The following CADM1 variants were observed in gnomAD, a reference collection of about 807,000 sequenced individuals.
CADM1 encodes TSLC-1.
CADM1 carries 15 observed loss-of-function variants against 53.1 expected under a neutral mutation model. The observed-to-expected ratio is 0.28, with a 90% confidence interval of 0.19 to 0.44. The LOEUF is 0.44. Ranked by LOEUF, CADM1 falls within the 20% of genes least tolerant of loss-of-function variation. CADM1 has a pLI of 1.00. For missense variants in CADM1, 434 were observed against 611.3 expected, an observed-to-expected ratio of 0.71 and a Z score of 3.06; for synonymous variants, 281 against 243.0, an observed-to-expected ratio of 1.16 and a Z score of -1.45.
chr11:115,322,449 G>A (rs1944848368), intron 1 of CADM1, among the ~76,000 whole-genome samples: 1 of 152,162 alleles, frequency 6.6e-6, no homozygotes, highest in African/African-American at 2.4e-5. Flanking sequence ...TGTTTATAGT[G>A]TACAGTTCAA....
intron 1 of CADM1, among the ~76,000 whole-genome samples, chr11:115,437,734 C>G (rs1948215573): frequency 6.6e-6 from 1 of 152,158 alleles, no homozygotes; most frequent in Admixed American, 6.5e-5. Flanking sequence ...TGCTGGTTTG[C>G]TTTTCTTCGT....
intron 1 of CADM1, among the ~76,000 whole-genome samples, chr11:115,296,990 A>G (rs1247901424): frequency 1.3e-5 from 2 of 152,358 alleles, no homozygotes; most frequent in African/African-American, 4.8e-5. Flanking sequence ...AAAACAAATC[A>G]GTGTTTAGCA....
intron 1 of CADM1, among the ~76,000 whole-genome samples, chr11:115,383,288 A>G (rs1255189305): frequency 6.6e-6 from 1 of 152,214 alleles, no homozygotes; most frequent in Non-Finnish European, 1.5e-5. Flanking sequence ...TCTATTTCAG[A>G]AATGTACAAA....
intron 1 of CADM1, chr11:115,396,846 TTC>T (rs1246242688): frequency 2.0e-5 from 3 of 152,072 alleles, no homozygotes; most frequent in Non-Finnish European, 4.4e-5. Context: ...TGTATAAGCG[TTC>T]TCTTTTTTTT....
At chr11:115,281,393 A>T (rs985512063) in intron 1 of CADM1, among the ~76,000 whole-genome samples, 18 of 152,370 alleles carry the variant, frequency 1.2e-4, no homozygotes, top group African/African-American at 4.3e-4. Context: ...TAAAGAGAAC[A>T]CTAAGATAAA....
At chr11:115,249,415 C>A (rs750042918) in intron 1 of CADM1, among the ~76,000 whole-genome samples, 4 of 152,212 alleles carry the variant, frequency 2.6e-5, no homozygotes, top group Non-Finnish European at 5.9e-5. Context: ...TGATAAAGCA[C>A]AAACCCTCAC....
chr11:115,184,453 A>T (rs1296788839), intron 10 of CADM1, among the ~76,000 whole-genome samples: 1 of 152,240 alleles, frequency 6.6e-6, no homozygotes, highest in Non-Finnish European at 1.5e-5. Flanking sequence ...GATGCTACAA[A>T]TCCTTCTGAC....
chr11:115,503,197 C>G (rs965006049), intron 1 of CADM1, among the ~76,000 whole-genome samples: 2 of 152,214 alleles, frequency 1.3e-5, no homozygotes, highest in Non-Finnish European at 2.9e-5. Flanking sequence ...GGAAGAGCTC[C>G]GGCTCCCTTT....
intron 1 of CADM1, among the ~76,000 whole-genome samples, chr11:115,402,397 C>G (rs183673055): frequency 1.3e-5 from 2 of 152,214 alleles, no homozygotes; most frequent in Admixed American, 1.3e-4. Flanking sequence ...GTGGTGCGTG[C>G]CTGTAGTCGC....
In CADM1 at chr11:115,175,943, G is replaced by A. The variant is rs1939007726; in HGVS notation, c.*531C>T. On this transcript the variant is annotated 3_prime_UTR_variant, in exon 12 of 12. Coordinates refer to ENST00000331581, the MANE Select transcript of CADM1 (RefSeq NM_001301043.2). ...CTAAATTCTGAACTATGAAATCTAA[G>A]CTGTGCTGGTTCTCCTTTTATGAAA... is the stretch of plus-strand genomic sequence containing the variant. 2 of 1,021,150 alleles carry A rather than the reference G, an allele frequency of 2.0e-6. No individual in the cohort carries two copies. Among genetic ancestry groups the A allele is most frequent in the African/African-American group, 1.7e-5 (1 of 57,650 alleles). 63.3% of individuals were successfully genotyped at this position (1,021,150 alleles called of 1,614,324 possible).
intron 1 of CADM1, among the ~76,000 whole-genome samples, chr11:115,251,971 G>A (rs932247669): frequency 2.6e-5 from 4 of 152,272 alleles, no homozygotes; most frequent in African/African-American, 4.8e-5. Context: ...ACACAAACTG[G>A]TGCCATTATA....
At chr11:115,481,323 T>C (rs1949253340) in intron 1 of CADM1, among the ~76,000 whole-genome samples, 1 of 152,200 alleles carries the variant, frequency 6.6e-6, no homozygotes. Flanking sequence ...CTGAATTCCC[T>C]GTAGCATTTG....
intron 1 of CADM1, among the ~76,000 whole-genome samples, chr11:115,475,216 T>C (rs1949104439): frequency 6.6e-6 from 1 of 152,226 alleles, no homozygotes; most frequent in Non-Finnish European, 1.5e-5. Context: ...AAATGCTATA[T>C]AGTTGTTATA....
intron 11 of CADM1, among the ~76,000 whole-genome samples, chr11:115,177,777 T>TATGCTTGAGACAGGCACTCTGTATCCTA (rs1939106635): frequency 1.3e-5 from 2 of 151,980 alleles, no homozygotes; most frequent in African/African-American, 4.8e-5. Context: ...TAAACTGTTT[T>TATGCTTGAGACAGGCACTCTGTATCCTA]ATGCTTGAGA....
At chr11:115,273,920 C>T (rs1299923728) in intron 1 of CADM1, among the ~76,000 whole-genome samples, 2 of 152,196 alleles carry the variant, frequency 1.3e-5, no homozygotes, top group Non-Finnish European at 2.9e-5. Context: ...ACATTACATA[C>T]TAGAGTGTTG....
chr11:115,468,474 T>TTCAA (rs1948941863), intron 1 of CADM1, among the ~76,000 whole-genome samples: 1 of 152,174 alleles, frequency 6.6e-6, no homozygotes, highest in African/African-American at 2.4e-5. Context: ...CCTAAAAGAC[T>TTCAA]TCAATTTTAA....
At chr11:115,357,304 A>C (rs1401155403) in intron 1 of CADM1, among the ~76,000 whole-genome samples, 1 of 152,206 alleles carries the variant, frequency 6.6e-6, no homozygotes, top group Non-Finnish European at 1.5e-5. Flanking sequence ...TAATACCGGG[A>C]AAGTAAACAG....
At chr11:115,492,071 T>C (rs995560871) in intron 1 of CADM1, among the ~76,000 whole-genome samples, 4 of 152,182 alleles carry the variant, frequency 2.6e-5, no homozygotes, top group South Asian at 2.1e-4. Context: ...GTTGTGCACA[T>C]GTACCCTAGA....
chr11:115,367,807 T>C (rs1946204528), intron 1 of CADM1, among the ~76,000 whole-genome samples: 1 of 152,086 alleles, frequency 6.6e-6, no homozygotes, highest in African/African-American at 2.4e-5. Flanking sequence ...AAGTAGATAC[T>C]TTATATATCC....
Sources: gnomAD v4.1 joint callset for allele counts (sites outside exome capture counted in the v4.1 genomes callset) on GRCh38, gnomAD v4.1.1 for gene constraint, MANE v1.5 for transcripts, NCBI Gene and HGNC (gene_info 2026-07-23, HGNC 2026-07-21) for gene names.